Variants in GTPBP1 observed in about 807,000 individuals in gnomAD.
The protein encoded by GTPBP1 is GTP-binding protein 1.
GTPBP1 carries 23 observed loss-of-function variants against 62.0 expected under a neutral mutation model. That is an observed-to-expected ratio of 0.37 (90% CI 0.27 to 0.53). The LOEUF (loss-of-function observed/expected upper bound fraction) is 0.53, where lower values mean the gene tolerates loss of function less well. Among genes scored for constraint, GTPBP1 ranks in the 20% least tolerant of loss-of-function variants. The pLI is 0.89. For synonymous variants in GTPBP1, 344 were observed against 364.4 expected, an observed-to-expected ratio of 0.94 and a Z score of 0.64; for missense variants, 640 against 917.3, an observed-to-expected ratio of 0.70 and a Z score of 3.90.
downstream of GTPBP1, chr22:38,738,023 C>A (rs769185109): frequency 1.3e-6 from 1 of 763,372 alleles, no homozygotes; most frequent in African/African-American, 1.7e-5. This position sits in a 1 kb window ranked among gnomAD's most constrained non-coding sequence, Gnocchi z 6.6. Flanking sequence ...CGTGTTACAC[C>A]CCATTTGGAT....
At chr22:38,737,777 G>T, downstream of GTPBP1, 1 of 398,040 alleles carries the variant, frequency 2.5e-6, no homozygotes, top group South Asian at 1.9e-5. This position sits in a 1 kb window ranked among gnomAD's most constrained non-coding sequence, Gnocchi z 4.1. Context: ...TAGGAGATCG[G>T]ATGCCCACTG....
downstream of GTPBP1, chr22:38,738,279 G>A (rs541766920): frequency 1.6e-5 from 26 of 1,609,454 alleles, no homozygotes; most frequent in Middle Eastern, 5.0e-4. This position sits in a 1 kb window ranked among gnomAD's most constrained non-coding sequence, Gnocchi z 6.6. Context: ...CAAAGAGAGC[G>A]GAGGGAAGTG....
In GTPBP1 at chr22:38,726,269, A is replaced by G; in HGVS notation, c.1230A>G (p.Thr410=). 7 of 1,613,966 alleles carry G rather than the reference A, an allele frequency of 4.3e-6. No homozygotes were observed. Among genetic ancestry groups the G allele is most frequent in the Non-Finnish European group, 5.9e-6 (7 of 1,179,996 alleles). Residue 410 remains threonine (T), a synonymous_variant, in exon 8 of 12, where the codon ACA becomes ACG. Transcript: ENST00000216044. This position sits in a 1 kb window ranked among gnomAD's most constrained non-coding sequence, Gnocchi z 4.1. ...CTTCTCCTTGGCAGGGTGTGGGGAC[A>G]GTGGTTTCGGGGACAACACTGAGAG... ...DDTYSVPGVG[T]VVSGTTLRGL...
At chr22:38,715,796 G>A (rs1172468220) in intron 2 of GTPBP1, 111 bp from the exon 3 acceptor site, 32 of 802,386 alleles carry the variant, frequency 4.0e-5, no homozygotes, top group Middle Eastern at 5.7e-4. Flanking sequence ...CCTCTGCAGT[G>A]CTGGGGTCGG....
chr22:38,742,545 C>CGCT, downstream of GTPBP1: 1 of 1,611,004 alleles, frequency 6.2e-7, no homozygotes, highest in Middle Eastern at 1.7e-4. Flanking sequence ...GGACATAACA[C>CGCT]GCTGCTCAGC....
At chr22:38,715,611 G>C (rs2092665243) in intron 2 of GTPBP1, among the ~76,000 whole-genome samples, 1 of 152,140 alleles carries the variant, frequency 6.6e-6, no homozygotes, top group Admixed American at 6.5e-5. Flanking sequence ...AGCTCACTAG[G>C]GGCACCTGTA....
chr22:38,738,370 G>T (rs1291250762), downstream of GTPBP1: 5 of 1,156,340 alleles, frequency 4.3e-6, no homozygotes, highest in Admixed American at 8.6e-5. This position sits in a 1 kb window ranked among gnomAD's most constrained non-coding sequence, Gnocchi z 6.6. Flanking sequence ...CACCAGAGTG[G>T]CCTATGACAA....
downstream of GTPBP1, chr22:38,739,577 C>A: frequency 1.6e-6 from 2 of 1,286,448 alleles, no homozygotes; most frequent in South Asian, 1.3e-5. The surrounding 1 kb of genome is among the most constrained non-coding windows in gnomAD (Gnocchi z 6.7). Context: ...TGCCACCCAC[C>A]CATGCCAGCC....
intron 5 of GTPBP1, chr22:38,723,598 A>G (rs1375078326): frequency 5.4e-6 from 3 of 557,556 alleles, no homozygotes; most frequent in Non-Finnish European, 9.6e-6. Context: ...TTCCTCCCCT[A>G]TTTAGTTCTT....
downstream of GTPBP1, chr22:38,742,433 T>C (rs752595501): frequency 3.1e-6 from 5 of 1,613,398 alleles, no homozygotes; most frequent in African/African-American, 6.7e-5. Flanking sequence ...CAGGAGCCCC[T>C]TGCCGCAGCT....
At chr22:38,736,378 G>T (rs751159582), downstream of GTPBP1, 6 of 1,611,960 alleles carry the variant, frequency 3.7e-6, no homozygotes, top group Admixed American at 1.0e-4. Flanking sequence ...CCATCGTAGG[G>T]GCCTGGGTAG....
At chr22:38,724,512 A>C in intron 6 of GTPBP1, 101 bp downstream of exon 6, 7 of 704,254 alleles carry the variant, frequency 9.9e-6, no homozygotes, top group Non-Finnish European at 1.3e-5. Context: ...ATAAGGTCTC[A>C]TGAAAACACC....
rs1000973831 is a variant in GTPBP1 at position 38,731,001 on chromosome 22, C to T, written c.*297C>T. On this transcript the variant is annotated 3_prime_UTR_variant, in exon 12 of 12. Coordinates refer to ENST00000216044, the MANE Select transcript of GTPBP1 (RefSeq NM_004286.5). ...TATTCTGTTTATTATATGTCTCTGT[C>T]TCTCTCTATTGTGTGTGTGTGTGTG... 2.8e-6 allele frequency: 1 copy of T among 358,962 alleles called. No individual in the cohort carries two copies. Among genetic ancestry groups the T allele is most frequent in the Non-Finnish European group, 4.8e-6 (1 of 207,218 alleles). 22.2% of individuals were successfully genotyped at this position (358,962 alleles called of 1,614,324 possible).
intron 1 of GTPBP1, among the ~76,000 whole-genome samples, chr22:38,707,479 T>C (rs1019114798): frequency 6.6e-6 from 1 of 152,188 alleles, no homozygotes; most frequent in African/African-American, 2.4e-5. Context: ...TGTAAGGCCA[T>C]AATGAGGATG....
At chr22:38,740,325 C>G, downstream of GTPBP1, 1 of 1,601,816 alleles carries the variant, frequency 6.2e-7, no homozygotes, top group East Asian at 2.3e-5. This position sits in a 1 kb window ranked among gnomAD's most constrained non-coding sequence, Gnocchi z 4.8. Context: ...CGCCACCGAG[C>G]TCTGCTTCAG....
chr22:38,735,992 G>C, downstream of GTPBP1: 1 of 356,384 alleles, frequency 2.8e-6, no homozygotes, highest in Non-Finnish European at 5.5e-6. Context: ...CAACTTCCCA[G>C]TCCCCCATGA....
At chr22:38,735,150 C>T (rs917501184), downstream of GTPBP1, 18 of 424,050 alleles carry the variant, frequency 4.2e-5, no homozygotes, top group Non-Finnish European at 7.9e-5. Context: ...TCTAAAAGTC[C>T]CCTCCTCCCC....
In GTPBP1 at chr22:38,729,575, G is replaced by T. The variant is rs2092745485; in HGVS notation, c.1830G>T (p.Gly610=). 6.3e-7 allele frequency: 1 copy of T among 1,593,232 alleles called. No individual in the cohort carries two copies. Among genetic ancestry groups the T allele is most frequent in the East Asian group, 2.3e-5 (1 of 43,836 alleles). Residue 610 remains glycine (G), a synonymous_variant, in exon 11 of 12, where the codon GGG becomes GGT. Coordinates refer to ENST00000216044, the MANE Select transcript of GTPBP1 (RefSeq NM_004286.5). The part of the protein sequence containing the change: ...TKRDEGGPSG[G]PAVGAPPPGD... Reference sequence around the variant, plus strand: ...GAGACGAGGGGGGCCCGTCTGGTGGGCCAGCAGTAGGAGCACCCCCACCTG... The same window carrying T: ...GAGACGAGGGGGGCCCGTCTGGTGGTCCAGCAGTAGGAGCACCCCCACCTG...
chr22:38,719,339 A>C (rs1471240851), intron 4 of GTPBP1, among the ~76,000 whole-genome samples: 1 of 151,570 alleles, frequency 6.6e-6, no homozygotes, highest in Non-Finnish European at 1.5e-5. Flanking sequence ...ACAAAGCCTC[A>C]CTCTGTTACC....
Sources: allele counts gnomAD v4.1 joint callset (sites outside exome capture counted in the v4.1 genomes callset), GRCh38; gene constraint gnomAD v4.1.1; non-coding constraint Gnocchi (gnomAD v3.1); transcripts MANE v1.5; gene names NCBI Gene and HGNC (gene_info 2026-07-23, HGNC 2026-07-21).